Variants in RAD51B observed in about 807,000 individuals in gnomAD.
RAD51B encodes DNA repair protein RAD51 homolog 2.
Under a neutral mutation model 42.2 loss-of-function variants are expected in RAD51B, and 38 were observed. The ratio of observed to expected loss-of-function variants is 0.90; its 90% CI spans 0.70 to 1.18. RAD51B has a LOEUF of 1.18. Ranked by LOEUF, RAD51B falls within the 50% of genes most tolerant of loss-of-function variation. RAD51B has a pLI of 0.00. For missense variants in RAD51B, 373 were observed against 400.7 expected, an observed-to-expected ratio of 0.93 and a Z score of 0.59; for synonymous variants, 154 against 145.2, an observed-to-expected ratio of 1.06 and a Z score of -0.43.
chr14:67,827,962 A>G (rs1159288284), intron 3 of RAD51B, among the ~76,000 whole-genome samples: 2 of 152,176 alleles, frequency 1.3e-5, no homozygotes, highest in Non-Finnish European at 2.9e-5. Context: ...GTGTGCATGT[A>G]TATTTATAAT....
intron 7 of RAD51B, among the ~76,000 whole-genome samples, chr14:68,132,515 T>A (rs1383426428): frequency 2.0e-5 from 3 of 152,230 alleles, no homozygotes; most frequent in Non-Finnish European, 2.9e-5. Flanking sequence ...CATAGTAGGA[T>A]ATTCTTTTCA....
chr14:67,901,297 TG>T (rs2043604858), intron 7 of RAD51B, among the ~76,000 whole-genome samples: 1 of 152,214 alleles, frequency 6.6e-6, no homozygotes, highest in African/African-American at 2.4e-5. Context: ...TATAATGAGT[TG>T]GGCCAAGTTA....
At chr14:68,018,817 G>A (rs1285998589) in intron 7 of RAD51B, among the ~76,000 whole-genome samples, 1 of 152,106 alleles carries the variant, frequency 6.6e-6, no homozygotes, top group Non-Finnish European at 1.5e-5. Context: ...TGTGTGCCAT[G>A]GGGTATAATG....
chr14:68,240,576 G>A lies in RAD51B; in HGVS notation c.757-51308G>A, dbSNP rs76457777. On this transcript the variant is annotated intron_variant, in intron 7 of 10. Coordinates refer to ENST00000471583, the MANE Select transcript of RAD51B (RefSeq NM_133510.4). ...AGTAGAGTAAGATAAAGCGTCCAGA[G>A]TACAAAATGCCTCTTGTTTTCATGT... 1.1e-3 allele frequency among the ~76,000 whole-genome samples: 174 copies of A among 152,294 alleles called. 2 individuals are homozygous for A. Among genetic ancestry groups the A allele is most frequent in the African/African-American group, 4.0e-3 (167 of 41,564 alleles).
chr14:68,438,237 C>T (rs912453440), intron 9 of RAD51B, among the ~76,000 whole-genome samples: 3 of 152,020 alleles, frequency 2.0e-5, no homozygotes, highest in African/African-American at 7.2e-5. Flanking sequence ...AAATGAGGGC[C>T]TGAACCAAGA....
At chr14:68,162,859 A>G (rs1444685280) in intron 7 of RAD51B, among the ~76,000 whole-genome samples, 1 of 152,224 alleles carries the variant, frequency 6.6e-6, no homozygotes, top group African/African-American at 2.4e-5. Context: ...GGATGATAAT[A>G]AGGGATTTAA....
At chr14:68,232,392 A>T (rs1288082934) in intron 7 of RAD51B, among the ~76,000 whole-genome samples, 1 of 152,196 alleles carries the variant, frequency 6.6e-6, no homozygotes, top group African/African-American at 2.4e-5. Context: ...GAAAAGCAAG[A>T]TGGTGCTATA....
At chr14:67,855,000 C>T (rs1022886231) in intron 4 of RAD51B, among the ~76,000 whole-genome samples, 1 of 152,130 alleles carries the variant, frequency 6.6e-6, no homozygotes, top group African/African-American at 2.4e-5. Context: ...ATCTAGAGTA[C>T]AGGACCAGAG....
chr14:68,174,094 CTT>C (rs1161878443), intron 7 of RAD51B, among the ~76,000 whole-genome samples: 2 of 152,128 alleles, frequency 1.3e-5, no homozygotes, highest in Non-Finnish European at 2.9e-5. Flanking sequence ...CTTAATGACT[CTT>C]ATACATTTTG....
At chr14:68,126,399 A>T (rs1054064243) in intron 7 of RAD51B, among the ~76,000 whole-genome samples, 2 of 152,122 alleles carry the variant, frequency 1.3e-5, no homozygotes, top group African/African-American at 4.8e-5. Context: ...TTCTTTATGG[A>T]TTACTTTATA....
chr14:68,229,152 A>G (rs1045993272), intron 7 of RAD51B, among the ~76,000 whole-genome samples: 19 of 152,204 alleles, frequency 1.2e-4, no homozygotes, highest in Admixed American at 1.1e-3. Flanking sequence ...ATTAAGTTGA[A>G]AGTTCATTTG....
At chr14:68,519,644 C>T (rs997962292) in intron 10 of RAD51B, among the ~76,000 whole-genome samples, 1 of 152,148 alleles carries the variant, frequency 6.6e-6, no homozygotes, top group Non-Finnish European at 1.5e-5. Flanking sequence ...AGACTTTGAC[C>T]CAAGACAGCA....
chr14:68,627,923 T>TTTAAA (rs1555432878), intron 10 of RAD51B, among the ~76,000 whole-genome samples: 22 of 151,846 alleles, frequency 1.4e-4, no homozygotes, highest in East Asian at 3.9e-4. Context: ...TTATTTTTTT[T>TTTAAA]TAAATAAACA....
At chr14:68,061,953 G>A (rs2076574561) in intron 7 of RAD51B, among the ~76,000 whole-genome samples, 1 of 152,204 alleles carries the variant, frequency 6.6e-6, no homozygotes, top group Admixed American at 6.5e-5. Flanking sequence ...AGTGGTGAAT[G>A]TGAGCATCTT....
intron 8 of RAD51B, among the ~76,000 whole-genome samples, chr14:68,395,096 C>CTGTT (rs1412216198): frequency 6.6e-6 from 1 of 152,164 alleles, no homozygotes; most frequent in Admixed American, 6.5e-5. Context: ...CCACGGCCAT[C>CTGTT]TGTTCCCTTT....
chr14:68,477,577 G>A, intron 10 of RAD51B, 71 bp from the exon 11 acceptor site: 2 of 1,512,516 alleles, frequency 1.3e-6, no homozygotes, highest in South Asian at 1.2e-5. Context: ...TTAGGTTGCT[G>A]GTGGGAAGTT....
At chr14:68,371,304 G>A (rs564215398) in intron 8 of RAD51B, among the ~76,000 whole-genome samples, 1 of 151,876 alleles carries the variant, frequency 6.6e-6, no homozygotes, top group South Asian at 2.1e-4. Context: ...AGATCACAAG[G>A]TCAAGAGATG....
chr14:68,204,658 C>T (rs759864749), intron 7 of RAD51B, among the ~76,000 whole-genome samples: 1 of 152,046 alleles, frequency 6.6e-6, no homozygotes, highest in Non-Finnish European at 1.5e-5. Context: ...AGGTATGTCT[C>T]TAGTGTGTTT....
At chr14:67,828,423 A>C (rs1244236434) in intron 3 of RAD51B, among the ~76,000 whole-genome samples, 1 of 151,352 alleles carries the variant, frequency 6.6e-6, no homozygotes, top group East Asian at 1.9e-4. Flanking sequence ...AGATTGAAAA[A>C]ATTTTCTCCC....
Sources: gnomAD v4.1 joint callset for allele counts (sites outside exome capture counted in the v4.1 genomes callset) on GRCh38, gnomAD v4.1.1 for gene constraint, MANE v1.5 for transcripts, NCBI Gene and HGNC (gene_info 2026-07-23, HGNC 2026-07-21) for gene names.